Variants in BMPR1B observed in about 807,000 individuals in gnomAD.
The protein encoded by BMPR1B is bone morphogenetic protein receptor type 1B.
BMPR1B carries 12 observed loss-of-function variants against 59.1 expected under a neutral mutation model. The observed-to-expected ratio is 0.20, with a 90% CI of 0.13 to 0.33. The LOEUF (loss-of-function observed/expected upper bound fraction) is 0.33. BMPR1B is among the 10% of genes least tolerant of loss of function. The pLI is 1.00. For missense variants in BMPR1B, 550 were observed against 610.9 expected (o/e 0.90, Z 1.05); for synonymous variants, 237 against 207.3 (o/e 1.14, Z -1.23).
chr4:94,944,860 T>C (rs1231007815), intron 2 of BMPR1B, among the ~76,000 whole-genome samples: 1 of 152,208 alleles, frequency 6.6e-6, no homozygotes, highest in African/African-American at 2.4e-5. Context: ...CATAATAGAT[T>C]CCAGCTTTTT....
intron 9 of BMPR1B, among the ~76,000 whole-genome samples, chr4:95,130,723 C>CTTTTTTTTTTTTTTTTTTTTTTTTTTT (rs148720302): frequency 2.6e-5 from 2 of 77,930 alleles, no homozygotes; most frequent in Non-Finnish European, 4.5e-5. Context: ...CTTTTCTTTT[C>CTTTTTTTTTTTTTTTTTTTTTTTTTTT]TTTTTTTTTT....
At chr4:94,870,094 T>C (rs1248470819) in intron 1 of BMPR1B, among the ~76,000 whole-genome samples, 1 of 152,228 alleles carries the variant, frequency 6.6e-6, no homozygotes, top group African/African-American at 2.4e-5. Flanking sequence ...AAATGGCCTT[T>C]TAAAATTCTA....
In BMPR1B at chr4:95,074,373, G is replaced by C. The variant is rs113023396; in HGVS notation, c.-17-30035G>C. ...CTGGAACGCTGGTTTTGTTTGCCTT[G>C]AGAAATCTTTCCTTTCAGTTCACAT... On this transcript the variant is annotated intron_variant, in intron 3 of 12. Transcript: ENST00000515059. 7.3e-3 allele frequency among the ~76,000 whole-genome samples: 1,115 copies of C among 152,198 alleles called. 15 individuals carry two copies. The highest frequency in any genetic ancestry group is 0.025 in the African/African-American group (1,038 of 41,524).
Position 95,006,376 on chromosome 4 carries a change from C to CAA in BMPR1B, c.-18+10255_-18+10256dup, listed in dbSNP as rs558859893. ...TGGGCAACAGGGCGAGACTCCATCT[C>CAA]AAAAAAAAAAAAAAGTTTTATTTAA... On this transcript the variant is annotated intron_variant, in intron 3 of 12. Transcript: ENST00000515059. Among the ~76,000 whole-genome samples, 162 of 134,424 alleles carry CAA rather than the reference C, an allele frequency of 1.2e-3. 1 individual carries two copies. Among genetic ancestry groups the CAA allele is most frequent in the South Asian group, 2.9e-3 (12 of 4,086 alleles). 88.2% of individuals were successfully genotyped at this position (134,424 alleles called of 152,430 possible).
chr4:95,001,535 A>T (rs1332816204), intron 3 of BMPR1B, among the ~76,000 whole-genome samples: 2 of 152,320 alleles, frequency 1.3e-5, no homozygotes, highest in East Asian at 3.9e-4. Flanking sequence ...ATAGTCCTGG[A>T]GCAAAAGATA....
At chr4:95,099,766 CTAAA>C (rs950118126) in intron 3 of BMPR1B, among the ~76,000 whole-genome samples, 1 of 152,172 alleles carries the variant, frequency 6.6e-6, no homozygotes, top group African/African-American at 2.4e-5. Flanking sequence ...ATCTGTATCT[CTAAA>C]TAAATAACTG....
intron 1 of BMPR1B, among the ~76,000 whole-genome samples, chr4:94,781,842 A>AT (rs1345916112): frequency 6.6e-6 from 1 of 151,946 alleles, no homozygotes; most frequent in East Asian, 1.9e-4. Context: ...TTGAGCCTCC[A>AT]TTTTTTTCTG....
intron 1 of BMPR1B, among the ~76,000 whole-genome samples, chr4:94,777,083 A>G (rs529426863): frequency 2.0e-4 from 31 of 152,284 alleles, no homozygotes; most frequent in Admixed American, 5.9e-4. Flanking sequence ...TATTTTTATC[A>G]TAACAGTACA....
intron 3 of BMPR1B, among the ~76,000 whole-genome samples, chr4:95,102,397 G>A (rs1440677264): frequency 6.6e-6 from 1 of 152,176 alleles, no homozygotes; most frequent in Non-Finnish European, 1.5e-5. Flanking sequence ...AAATGGGAGG[G>A]CACCCAATAC....
chr4:95,007,803 G>T (rs868322102), intron 3 of BMPR1B, among the ~76,000 whole-genome samples: 5 of 152,082 alleles, frequency 3.3e-5, no homozygotes, highest in Admixed American at 1.3e-4. Context: ...TATCTTAATT[G>T]CAATATATGA....
chr4:95,060,645 G>A (rs571092036), intron 3 of BMPR1B, among the ~76,000 whole-genome samples: 19 of 152,262 alleles, frequency 1.2e-4, no homozygotes, highest in Admixed American at 2.6e-4. Flanking sequence ...CCTATGAAGC[G>A]CCTGGAAATC....
At chr4:95,148,297 G>GT (rs1193318138) in intron 10 of BMPR1B, among the ~76,000 whole-genome samples, 1 of 152,044 alleles carries the variant, frequency 6.6e-6, no homozygotes, top group African/African-American at 2.4e-5. Context: ...AAGGAAGAGG[G>GT]TTTTTTTAGA....
chr4:94,761,674 T>C (rs964565138), intron 1 of BMPR1B, among the ~76,000 whole-genome samples: 1 of 152,206 alleles, frequency 6.6e-6, no homozygotes, highest in African/African-American at 2.4e-5. Context: ...CTCCAGTCCC[T>C]CTTCCAGTTC....
chr4:94,763,566 G>A (rs1186839226), intron 1 of BMPR1B, among the ~76,000 whole-genome samples: 1 of 151,944 alleles, frequency 6.6e-6, no homozygotes, highest in Non-Finnish European at 1.5e-5. Context: ...ATCGGCTAAA[G>A]GAAAAAAAAG....
chr4:94,873,778 A>G (rs960648252), intron 1 of BMPR1B, among the ~76,000 whole-genome samples: 1 of 152,188 alleles, frequency 6.6e-6, no homozygotes, highest in African/African-American at 2.4e-5. Context: ...ATTAATGTAA[A>G]ATACATGTAA....
intron 1 of BMPR1B, among the ~76,000 whole-genome samples, chr4:94,840,779 C>A (rs1034156058): frequency 6.7e-6 from 1 of 148,868 alleles, no homozygotes; most frequent in South Asian, 2.1e-4. Context: ...AGTCGTTCTC[C>A]GTCCAGCTTT....
chr4:94,841,176 C>T (rs1294025521), intron 1 of BMPR1B, among the ~76,000 whole-genome samples: 2 of 149,774 alleles, frequency 1.3e-5, no homozygotes, highest in Admixed American at 6.6e-5. Flanking sequence ...AGCTGTCTGA[C>T]AGGGACATTT....
At chr4:94,902,077 GTGTGT>G (rs1727835963) in intron 2 of BMPR1B, among the ~76,000 whole-genome samples, 12 of 136,886 alleles carry the variant, frequency 8.8e-5, no homozygotes, top group South Asian at 2.2e-4. Flanking sequence ...GTGTGTGTGT[GTGTGT>G]GTGTGGGGTG....
At chr4:94,924,316 TACTA>T (rs1309813933) in intron 2 of BMPR1B, among the ~76,000 whole-genome samples, 1 of 152,148 alleles carries the variant, frequency 6.6e-6, no homozygotes, top group Non-Finnish European at 1.5e-5. Flanking sequence ...TTGGAGAAGA[TACTA>T]ACTTTTTTGC....
Sources: gnomAD v4.1 joint callset for allele counts (sites outside exome capture counted in the v4.1 genomes callset) on GRCh38, gnomAD v4.1.1 for gene constraint, MANE v1.5 for transcripts, NCBI Gene and HGNC (gene_info 2026-07-23, HGNC 2026-07-21) for gene names.